The following STPG4 variants were observed in gnomAD, a reference collection of about 807,000 sequenced individuals.
The protein encoded by STPG4 is sperm-tail PG-rich repeat containing 4.
A neutral mutation model predicts 31.5 loss-of-function variants in STPG4; 41 were observed. The ratio of observed to expected loss-of-function variants is 1.30; its 90% CI spans 1.01 to 1.69. The LOEUF (loss-of-function observed/expected upper bound fraction) is 1.69, where lower values mean the gene tolerates loss of function less well. Ranked by LOEUF, STPG4 falls within the 40% of genes most tolerant of loss-of-function variation. The pLI is 0.00. For synonymous variants in STPG4, 141 were observed against 103.0 expected (o/e 1.37, Z -2.24); for missense variants, 375 against 293.4 (o/e 1.28, Z -2.03).
intron 3 of STPG4, among the ~76,000 whole-genome samples, chr2:47,149,216 G>A (rs552469998): frequency 1.0e-3 from 153 of 152,286 alleles, no homozygotes; most frequent in African/African-American, 3.6e-3. Context: ...GAAAAACTAT[G>A]TTTTCAGAAG....
chr2:47,101,440 C>G (rs867569257), intron 5 of STPG4, among the ~76,000 whole-genome samples: 2 of 151,762 alleles, frequency 1.3e-5, no homozygotes, highest in South Asian at 4.2e-4. Context: ...ACCCATCTAT[C>G]CTATCTATCC....
chr2:47,141,248 T>G (rs1686697666), intron 3 of STPG4, among the ~76,000 whole-genome samples: 1 of 151,846 alleles, frequency 6.6e-6, no homozygotes, highest in Non-Finnish European at 1.5e-5. Flanking sequence ...TAAAGCCTCT[T>G]GTGTCATATG....
In STPG4 at chr2:47,086,997, C is replaced by A. The variant is rs1247777005; in HGVS notation, c.*11G>T. Reference sequence around the variant, plus strand: ...CTAAACCTCAAAGTAGAGCTTGGTGCCAAGATCACTTTATTTTAAAAGCCA... The same window carrying A: ...CTAAACCTCAAAGTAGAGCTTGGTGACAAGATCACTTTATTTTAAAAGCCA... On this transcript the variant is annotated 3_prime_UTR_variant, in exon 7 of 7. Transcript: ENST00000445927. 1.9e-6 allele frequency: 3 copies of A among 1,551,522 alleles called. No individual in the cohort carries two copies. The South Asian group carries it at 3.6e-5, about 18-fold the overall frequency.
chr2:47,125,193 G>C (rs192698887), intron 5 of STPG4, among the ~76,000 whole-genome samples: 1 of 152,064 alleles, frequency 6.6e-6, no homozygotes, highest in South Asian at 2.1e-4. Context: ...GGCCAAGGTG[G>C]GCAGATCGCT....
At chr2:47,117,915 C>CATATATATAT (rs10563568) in intron 5 of STPG4, among the ~76,000 whole-genome samples, 4 of 94,890 alleles carry the variant, frequency 4.2e-5, no homozygotes, top group African/African-American at 1.6e-4. Context: ...GATAGTACAA[C>CATATATATAT]ATATATATAT....
At chr2:47,149,205 A>C (rs1236446968) in intron 3 of STPG4, among the ~76,000 whole-genome samples, 1 of 152,230 alleles carries the variant, frequency 6.6e-6, no homozygotes, top group Non-Finnish European at 1.5e-5. Context: ...AGAAAGAAAC[A>C]GAAAAACTAT....
At position 47,117,928 on chromosome 2, in the gene STPG4, A is replaced by G. The variant is rs79482508; in HGVS notation, c.519+12013T>C. Among the ~76,000 whole-genome samples, 50 of 54,774 alleles carry G rather than the reference A, an allele frequency of 9.1e-4. 2 individuals are homozygous for G. Among genetic ancestry groups the G allele is most frequent in the Middle Eastern group, 0.023 (2 of 88 alleles). 35.9% of individuals were successfully genotyped at this position (54,774 alleles called of 152,430 possible). On this transcript the variant is annotated intron_variant, in intron 5 of 6. Transcript: ENST00000445927. Reference sequence around the variant, plus strand: ...GAGATAGTACAACATATATATATATATATTTTTTTTTTAATAGAGATGAGG... The same window carrying G: ...GAGATAGTACAACATATATATATATGTATTTTTTTTTTAATAGAGATGAGG...
intron 3 of STPG4, among the ~76,000 whole-genome samples, chr2:47,130,573 T>C (rs1015254844): frequency 5.3e-5 from 8 of 152,190 alleles, no homozygotes; most frequent in Non-Finnish European, 1.2e-4. Flanking sequence ...TGGAGTGCAG[T>C]GGCGTGATTT....
intron 5 of STPG4, among the ~76,000 whole-genome samples, chr2:47,117,397 T>C (rs1284012615): frequency 6.6e-6 from 1 of 152,134 alleles, no homozygotes; most frequent in Non-Finnish European, 1.5e-5. Context: ...TTAGTAGAGA[T>C]GGGGTTTCTC....
chr2:47,101,012 ACCAAGCGGTGAGACAATCG>A (rs1353436986), intron 5 of STPG4, among the ~76,000 whole-genome samples: 63 of 151,998 alleles, frequency 4.1e-4, no homozygotes, highest in Middle Eastern at 3.4e-3. Context: ...TTTGCCTATC[ACCAAGCGGTGAGACAATCG>A]CCAAGCGGTG....
At chr2:47,124,281 A>G (rs1327122252) in intron 5 of STPG4, among the ~76,000 whole-genome samples, 1 of 152,114 alleles carries the variant, frequency 6.6e-6, no homozygotes, top group East Asian at 1.9e-4. Flanking sequence ...CACCGTGCCC[A>G]GCCAATTTTT....
At chr2:47,114,771 A>C (rs1274381861) in intron 5 of STPG4, among the ~76,000 whole-genome samples, 1 of 149,674 alleles carries the variant, frequency 6.7e-6, no homozygotes, top group African/African-American at 2.4e-5. Context: ...ACATTTTTTT[A>C]TTTTTATTTT....
At chr2:47,115,424 A>C (rs908538330) in intron 5 of STPG4, among the ~76,000 whole-genome samples, 6 of 151,978 alleles carry the variant, frequency 3.9e-5, no homozygotes, top group South Asian at 2.1e-4. Flanking sequence ...GGTATTTGGG[A>C]GGTAATTTTT....
Position 47,146,468 on chromosome 2 carries a change from G to A in STPG4, c.399+4790C>T, listed in dbSNP as rs571331048. On this transcript the variant is annotated intron_variant, in intron 3 of 6. Transcript: ENST00000445927. ...GAATTGGCCGCAATGGCTCACTCCT[G>A]TAATCTCAGCACTTTGGGAGGCCAA... Among the ~76,000 whole-genome samples the A allele has an allele frequency of 7.9e-5, 12 of 151,454 alleles. No homozygotes were observed. The Middle Eastern group carries it at 0.01, about 130-fold the overall frequency.
At chr2:47,101,008 TATCACCAAGCGGTGAGACA>T (rs1359365189) in intron 5 of STPG4, among the ~76,000 whole-genome samples, 3 of 151,840 alleles carry the variant, frequency 2.0e-5, no homozygotes, top group African/African-American at 4.9e-5. Flanking sequence ...GACATTTGCC[TATCACCAAGCGGTGAGACA>T]ATCGCCAAGC....
intron 5 of STPG4, chr2:47,121,089 A>C (rs111526290): frequency 6.5e-6 from 1 of 154,330 alleles, no homozygotes; most frequent in African/African-American, 2.4e-5. Context: ...TTTGCTCCAC[A>C]GAACACAAGA....
In STPG4 at chr2:47,155,234, G is replaced by C. The variant is rs1363389608; in HGVS notation, c.18C>G (p.Val6=). MDQPA[V]ATASTSIRED... ...CCCTTATTGAGGTGGAAGCGGTGGC[G>C]ACGGCTGGCTGGTCCATGGTGGCCT... Residue 6 remains valine (V), a synonymous_variant, in exon 1 of 7, where the codon GTC becomes GTG. Transcript: ENST00000445927. 6.2e-7 allele frequency: 1 copy of C among 1,614,098 alleles called. No homozygotes were observed. The highest frequency in any genetic ancestry group is 1.7e-5 in the Admixed American group (1 of 60,022).
intron 3 of STPG4, among the ~76,000 whole-genome samples, chr2:47,147,656 A>C (rs1016264412): frequency 6.6e-6 from 1 of 152,120 alleles, no homozygotes; most frequent in African/African-American, 2.4e-5. Flanking sequence ...TTATGATATG[A>C]GTAGTGAAAA....
chr2:47,154,196 G>A (rs1686986155), intron 1 of STPG4, among the ~76,000 whole-genome samples: 1 of 152,234 alleles, frequency 6.6e-6, no homozygotes, highest in Middle Eastern at 3.4e-3. Flanking sequence ...GAGTACCACT[G>A]GGCTTTATTT....
Sources: allele counts gnomAD v4.1 joint callset (sites outside exome capture counted in the v4.1 genomes callset), GRCh38; gene constraint gnomAD v4.1.1; transcripts MANE v1.5; gene names NCBI Gene and HGNC (gene_info 2026-07-23, HGNC 2026-07-21).